PIWIL2: variants seen among roughly 807,000 people sequenced by gnomAD.
PIWIL2 encodes piwi-like protein 2.
Under a neutral mutation model 116.5 loss-of-function variants are expected in PIWIL2, and 81 were observed. The observed-to-expected ratio is 0.70, with a 90% CI of 0.58 to 0.84. PIWIL2 has a LOEUF of 0.84. Among genes scored for constraint, PIWIL2 ranks in the 40% least tolerant of loss-of-function variants. PIWIL2 has a pLI of 0.00. For synonymous variants in PIWIL2, 489 were observed against 429.5 expected, an observed-to-expected ratio of 1.14 and a Z score of -1.71; for missense variants, 1,272 against 1,212.3, an observed-to-expected ratio of 1.05 and a Z score of -0.73.
chr8:22,321,925 G>A (rs770822829), intron 20 of PIWIL2: 29 of 984,942 alleles, frequency 2.9e-5, no homozygotes, highest in Admixed American at 6.2e-5. Flanking sequence ...TTTGCATCAC[G>A]GCTCGCTAGT....
intron 20 of PIWIL2, among the ~76,000 whole-genome samples, chr8:22,335,899 A>G (rs1831970013): frequency 6.6e-6 from 1 of 152,188 alleles, no homozygotes. Context: ...GTAAGTAGAG[A>G]CAAGGAGTGA....
intron 20 of PIWIL2, among the ~76,000 whole-genome samples, chr8:22,326,515 C>T: frequency 6.6e-6 from 1 of 152,200 alleles, no homozygotes; most frequent in East Asian, 1.9e-4. Context: ...CACACCTTCT[C>T]CTAATTTCTG....
chr8:22,342,447 A>C (rs1229441166), intron 20 of PIWIL2, among the ~76,000 whole-genome samples: 1 of 152,228 alleles, frequency 6.6e-6, no homozygotes, highest in Non-Finnish European at 1.5e-5. Context: ...TAAGTGGAAC[A>C]GAATAGAAAG....
At chr8:22,326,435 T>A (rs903510664) in intron 20 of PIWIL2, among the ~76,000 whole-genome samples, 3 of 152,044 alleles carry the variant, frequency 2.0e-5, no homozygotes, top group Non-Finnish European at 4.4e-5. Context: ...GGTAAGAGGA[T>A]CTCTAGTTTA....
intron 20 of PIWIL2, among the ~76,000 whole-genome samples, chr8:22,343,584 C>G (rs956941483): frequency 6.6e-6 from 1 of 152,170 alleles, no homozygotes; most frequent in Non-Finnish European, 1.5e-5. Flanking sequence ...GGTGACAGAG[C>G]GAGACTCCGT....
Position 22,304,780 on chromosome 8 carries a change from C to G in PIWIL2, c.1371-4C>G. ...AATTTTTTCCTGCCTCTACTCTGCT[C>G]TAGCAAAAATTATGGGATCACAGTT... On this transcript the variant is annotated splice_region_variant and splice_polypyrimidine_tract_variant and intron_variant, in intron 11 of 22. Transcript: ENST00000356766. The G allele has an allele frequency of 1.9e-6, 3 of 1,608,596 alleles. No individual in the cohort carries two copies. Among genetic ancestry groups the G allele is most frequent in the East Asian group, 4.5e-5 (2 of 44,862 alleles).
chr8:22,346,921 A>G (rs1207129974), intron 20 of PIWIL2, among the ~76,000 whole-genome samples: 1 of 151,986 alleles, frequency 6.6e-6, no homozygotes, highest in African/African-American at 2.4e-5. Context: ...CGTGGCTGTA[A>G]TCCCAACACT....
intron 20 of PIWIL2, among the ~76,000 whole-genome samples, chr8:22,350,003 G>T (rs1190540786): frequency 6.6e-6 from 1 of 152,210 alleles, no homozygotes; most frequent in Non-Finnish European, 1.5e-5. Flanking sequence ...CTCCCAGTGG[G>T]TGATATATAA....
At chr8:22,275,521 G>C (rs762782407) in intron 1 of PIWIL2, 123 bp downstream of exon 1, 1 of 152,336 alleles carries the variant, frequency 6.6e-6, no homozygotes, top group Non-Finnish European at 1.5e-5. Context: ...CTCCCACTTC[G>C]GGGAGCTGCT....
chr8:22,282,384 C>A (rs777109907), intron 4 of PIWIL2, among the ~76,000 whole-genome samples: 5 of 149,684 alleles, frequency 3.3e-5, no homozygotes, highest in Non-Finnish European at 5.9e-5. Context: ...GACGGGGTTT[C>A]ATCTTATTAG....
chr8:22,294,940 G>T (rs994777634), intron 10 of PIWIL2, among the ~76,000 whole-genome samples: 2 of 150,164 alleles, frequency 1.3e-5, no homozygotes, highest in African/African-American at 4.9e-5. Flanking sequence ...TTAACTGGGC[G>T]TGGTGGCGCA....
At chr8:22,350,478 C>A (rs912756361) in intron 20 of PIWIL2, among the ~76,000 whole-genome samples, 2 of 152,018 alleles carry the variant, frequency 1.3e-5, no homozygotes, top group African/African-American at 4.8e-5. Flanking sequence ...AACTTGTAGT[C>A]CCAGCTACTC....
At chr8:22,346,380 G>T (rs537949415) in intron 20 of PIWIL2, among the ~76,000 whole-genome samples, 2 of 152,160 alleles carry the variant, frequency 1.3e-5, no homozygotes, top group African/African-American at 4.8e-5. Context: ...GAATGCCTTC[G>T]CATGCTTGGC....
At chr8:22,351,371 AT>A in intron 20 of PIWIL2, among the ~76,000 whole-genome samples, 1 of 139,430 alleles carries the variant, frequency 7.2e-6, no homozygotes, top group South Asian at 2.4e-4. Flanking sequence ...CTAAGTGCTT[AT>A]TTTTTTAAAG....
intron 1 of PIWIL2, among the ~76,000 whole-genome samples, chr8:22,277,824 C>T (rs1830412116): frequency 6.6e-6 from 1 of 152,170 alleles, no homozygotes; most frequent in East Asian, 1.9e-4. Context: ...AAAGCAAAAA[C>T]CCATAAATAT....
At chr8:22,282,602 T>C (rs1830536602) in intron 4 of PIWIL2, among the ~76,000 whole-genome samples, 1 of 152,066 alleles carries the variant, frequency 6.6e-6, no homozygotes, top group Admixed American at 6.5e-5. Flanking sequence ...TGTTGTGTTT[T>C]TTTTTTGAAA....
At chr8:22,350,290 A>C (rs1397767818) in intron 20 of PIWIL2, among the ~76,000 whole-genome samples, 1 of 152,098 alleles carries the variant, frequency 6.6e-6, no homozygotes, top group Non-Finnish European at 1.5e-5. Context: ...GAAAGCCAAA[A>C]AAAATTTTTT....
At chr8:22,297,365 T>G in intron 10 of PIWIL2, among the ~76,000 whole-genome samples, 1 of 152,158 alleles carries the variant, frequency 6.6e-6, no homozygotes, top group East Asian at 1.9e-4. Flanking sequence ...TTATCCTCCT[T>G]CTACATCGGC....
At chr8:22,289,359 G>A (rs1830704298) in intron 8 of PIWIL2, among the ~76,000 whole-genome samples, 2 of 152,024 alleles carry the variant, frequency 1.3e-5, no homozygotes, top group African/African-American at 2.4e-5. Flanking sequence ...CATCTTGTTG[G>A]CCAGGATGGT....
Sources: allele counts gnomAD v4.1 joint callset (sites outside exome capture counted in the v4.1 genomes callset), GRCh38; gene constraint gnomAD v4.1.1; transcripts MANE v1.5; gene names NCBI Gene and HGNC (gene_info 2026-07-23, HGNC 2026-07-21).